The following AHDC1 variants were observed in gnomAD, a reference collection of about 807,000 sequenced individuals.
AHDC1 encodes AT-hook DNA binding motif containing 1.
In AHDC1, 7 loss-of-function variants were observed where a neutral mutation model predicts 87.9. The observed-to-expected ratio is 0.08, with a 90% CI of 0.05 to 0.15. AHDC1 has a LOEUF of 0.15. AHDC1 is among the 10% of genes least tolerant of loss of function. AHDC1 has a pLI of 1.00. For synonymous variants in AHDC1, 1,051 were observed against 1,006.8 expected (o/e 1.04, Z -0.83); for missense variants, 1,841 against 2,253.2 (o/e 0.82, Z 3.70).
chr1:27,548,002 C>G lies in AHDC1; in HGVS notation c.4114G>C (p.Ala1372Pro), dbSNP rs2019276239. 6.2e-7 allele frequency: 1 copy of G among 1,608,184 alleles called. No individual in the cohort carries two copies. The highest frequency in any genetic ancestry group is 1.7e-5 in the Admixed American group (1 of 59,896). Reference sequence around the variant, plus strand: ...AAATGCTTGCCATCAAGCTCGGGAGCACCCAGGCTGGGCGAGTCGCAGTGG... The same window carrying G: ...AAATGCTTGCCATCAAGCTCGGGAGGACCCAGGCTGGGCGAGTCGCAGTGG... ...GFHCDSPSLG[A>P]PELDGKHFPP... The change falls in exon 8 of 9, where the codon GCT becomes CCT. Residue 1372 changes from alanine to proline, a missense_variant. Physicochemically the swap from Ala to Pro is conservative, Grantham distance 27. This residue lies in a region of AHDC1 where 505 missense variants were observed against 626.2 expected (regional missense o/e 0.81). Coordinates refer to ENST00000673934, the MANE Select transcript of AHDC1 (RefSeq NM_001371928.1).
chr1:27,586,454 G>A (rs2089060508), intron 3 of AHDC1, among the ~76,000 whole-genome samples: 1 of 152,136 alleles, frequency 6.6e-6, no homozygotes, highest in Admixed American at 6.5e-5. Flanking sequence ...AAAGGAAGAG[G>A]AGCCAGCGGC....
At position 27,544,030 on chromosome 1, in the gene AHDC1, C is replaced by T. The variant is rs528424939; in HGVS notation, c.*43+3231G>A. On this transcript the variant is annotated intron_variant, in intron 8 of 8. Transcript: ENST00000673934. ...GAATCAGGCGTGGGGAGATGAGAGGCAGCCATATGGCAGAGCACCCAGGCT... is the reference window on the plus strand; with the variant it reads ...GAATCAGGCGTGGGGAGATGAGAGGTAGCCATATGGCAGAGCACCCAGGCT... 6.6e-5 allele frequency among the ~76,000 whole-genome samples: 10 copies of T among 152,146 alleles called. No homozygotes were observed. The East Asian group carries it at 1.9e-3, about 29-fold the overall frequency.
rs1281188590 is a variant in AHDC1, at chr1:27,593,627, C to A, written c.-629+9770G>T. ...CGGATGGGCACATATGTGCAAACAC[C>A]CCCGGTGGGTCTTGGCATGCCTGCC... On this transcript the variant is annotated intron_variant, in intron 3 of 8. Coordinates refer to ENST00000673934, the MANE Select transcript of AHDC1 (RefSeq NM_001371928.1). The surrounding 1 kb of genome is among the most constrained non-coding windows in gnomAD (Gnocchi z 4.9). Among the ~76,000 whole-genome samples, 2 of 152,218 alleles carry A rather than the reference C, an allele frequency of 1.3e-5. No homozygotes were observed. Among genetic ancestry groups the A allele is most frequent in the East Asian group, 3.9e-4 (2 of 5,190 alleles).
chr1:27,581,914 C>T (rs1273167010), intron 3 of AHDC1, among the ~76,000 whole-genome samples: 1 of 152,178 alleles, frequency 6.6e-6, no homozygotes, highest in Non-Finnish European at 1.5e-5. Flanking sequence ...TGAGTCTCAA[C>T]ACCACCCACA....
chr1:27,538,335 G>A (rs1418694479), intron 8 of AHDC1, among the ~76,000 whole-genome samples: 2 of 149,352 alleles, frequency 1.3e-5, no homozygotes, highest in African/African-American at 2.5e-5. Flanking sequence ...CCCAGGAAGC[G>A]GAGGTTGCAG....
At chr1:27,537,408 C>G (rs1324770205) in intron 8 of AHDC1, among the ~76,000 whole-genome samples, 1 of 152,198 alleles carries the variant, frequency 6.6e-6, no homozygotes, top group Non-Finnish European at 1.5e-5. Context: ...GGGGAGGCAG[C>G]TAACCTGGTC....
At position 27,547,822 on chromosome 1, in the gene AHDC1, C is replaced by T; in HGVS notation, c.4294G>A (p.Ala1432Thr). 6.5e-7 allele frequency: 1 copy of T among 1,549,108 alleles called. No individual in the cohort carries two copies. The highest frequency in any genetic ancestry group is 8.7e-7 in the Non-Finnish European group (1 of 1,145,846). ...CEPLKHGLQGASLGHAAAAQA... is the reference protein window; with the variant it reads ...CEPLKHGLQGTSLGHAAAAQA... ...GCTGCAGCTGCGTGGCCCAGGCTGGCCCCCTGGAGTCCATGCTTGAGGGGC... is the reference window on the plus strand; with the variant it reads ...GCTGCAGCTGCGTGGCCCAGGCTGGTCCCCTGGAGTCCATGCTTGAGGGGC... Residue 1432 changes from alanine to threonine, a missense_variant, in exon 8 of 9, where the codon GCC (alanine) becomes ACC (threonine). Physicochemically the swap from Ala to Thr is moderately conservative, Grantham distance 58. This residue lies in a region of AHDC1 where 505 missense variants were observed against 626.2 expected (regional missense o/e 0.81). Coordinates refer to ENST00000673934, the MANE Select transcript of AHDC1 (RefSeq NM_001371928.1). This position sits in a 1 kb window ranked among gnomAD's most constrained non-coding sequence, Gnocchi z 4.9.
At position 27,550,705 on chromosome 1, in the gene AHDC1, C is replaced by T. The variant is rs147276945; in HGVS notation, c.1411G>A (p.Val471Met). The T allele has an allele frequency of 8.5e-3, 13,598 of 1,608,408 alleles. 82 individuals are homozygous for T. Among genetic ancestry groups the T allele is most frequent in the Non-Finnish European group, 0.01 (12,136 of 1,177,726 alleles). ...GCCATCTTCACCACCATGCGCCGCA[C>T]GCCCCGGCACTTGCCTTTGCGGGTA... ...VSTRKGKCRGVRRMVVKMAKI... is the reference protein window; with the variant it reads ...VSTRKGKCRGMRRMVVKMAKI... The change falls in exon 8 of 9, where the codon GTG (valine) becomes ATG (methionine). Residue 471 changes from valine to methionine, a missense_variant. Physicochemically the swap from Val to Met is conservative, Grantham distance 21. Transcript: ENST00000673934.
At position 27,539,069 on chromosome 1, in the gene AHDC1, G is replaced by A. The variant is rs531390490; in HGVS notation, c.*44-4153C>T. On this transcript the variant is annotated intron_variant, in intron 8 of 8. Transcript: ENST00000673934. ...CTGGAATTCACTGAATTATCGATGA[G>A]GCTCCCAATCAGGGATGGGGAGGCT... Among the ~76,000 whole-genome samples, 43 of 152,222 alleles carry A rather than the reference G, an allele frequency of 2.8e-4. No homozygotes were observed. In the South Asian group the frequency reaches 8.9e-3, roughly 32 times the overall value.
chr1:27,587,801 C>T (rs992870575), intron 3 of AHDC1, among the ~76,000 whole-genome samples: 1 of 152,158 alleles, frequency 6.6e-6, no homozygotes, highest in African/African-American at 2.4e-5. Context: ...CCTGTACTAC[C>T]CCATCCTTGC....
chr1:27,556,753 G>A (rs1015419709), intron 5 of AHDC1, among the ~76,000 whole-genome samples: 2 of 152,106 alleles, frequency 1.3e-5, no homozygotes, highest in South Asian at 2.1e-4. Flanking sequence ...AAACTTCTTT[G>A]GTGTCCAGAG....
chr1:27,544,881 G>A (rs1173757189), intron 8 of AHDC1, among the ~76,000 whole-genome samples: 1 of 152,188 alleles, frequency 6.6e-6, no homozygotes, highest in African/African-American at 2.4e-5. Flanking sequence ...CTCTTCAGTG[G>A]ATCCCCACGT....
At chr1:27,546,648 G>C (rs1417379095) in intron 8 of AHDC1, among the ~76,000 whole-genome samples, 1 of 152,182 alleles carries the variant, frequency 6.6e-6, no homozygotes, top group Non-Finnish European at 1.5e-5. Context: ...ATAGCCTTTG[G>C]GGGTACCTTG....
Position 27,537,699 on chromosome 1 carries a change from C to T in AHDC1, c.*44-2783G>A, listed in dbSNP as rs3753392. 7.5e-3 allele frequency among the ~76,000 whole-genome samples: 1,142 copies of T among 152,338 alleles called. 32 individuals carry two copies. Among genetic ancestry groups the T allele is most frequent in the East Asian group, 0.074 (382 of 5,164 alleles). ...GGCTAGCACGCACCGGCCCCCAGCA[C>T]ACCAACCACTGTTCTGCAGACTTCA... On this transcript the variant is annotated intron_variant, in intron 8 of 8. Coordinates refer to ENST00000673934, the MANE Select transcript of AHDC1 (RefSeq NM_001371928.1).
intron 7 of AHDC1, 110 bp from the exon 8 acceptor site, chr1:27,552,299 T>C: frequency 9.2e-7 from 1 of 1,083,676 alleles, no homozygotes; most frequent in Non-Finnish European, 1.2e-6. Context: ...CTCATCTCCT[T>C]ACCAAGCTCC....
chr1:27,583,095 T>C (rs184695037), intron 3 of AHDC1, among the ~76,000 whole-genome samples: 1 of 152,284 alleles, frequency 6.6e-6, no homozygotes, highest in Admixed American at 6.5e-5. Flanking sequence ...TTCGAACTCC[T>C]GACCTCAGGT....
chr1:27,538,358 G>A (rs1204005108), intron 8 of AHDC1, among the ~76,000 whole-genome samples: 2 of 143,448 alleles, frequency 1.4e-5, no homozygotes, highest in South Asian at 2.2e-4. Context: ...AGCTGAGATC[G>A]TGCCACTCCA....
At position 27,562,827 on chromosome 1, in the gene AHDC1, A is replaced by G. The variant is rs2020152866; in HGVS notation, c.-628-3944T>C. 6.6e-6 allele frequency among the ~76,000 whole-genome samples: 1 copy of G among 152,138 alleles called. No individual in the cohort carries two copies. Among genetic ancestry groups the G allele is most frequent in the Non-Finnish European group, 1.5e-5 (1 of 68,014 alleles). The stretch of plus-strand genomic sequence containing the variant: ...TTACTGACAACTTCCCAACAGCATG[A>G]GAGAATCACACATGCCACTCCCCAC... On this transcript the variant is annotated intron_variant, in intron 3 of 8. Transcript: ENST00000673934. The surrounding 1 kb of genome is among the most constrained non-coding windows in gnomAD (Gnocchi z 4.4).
In AHDC1 at chr1:27,548,775, T is replaced by C. The variant is rs202020604; in HGVS notation, c.3341A>G (p.Tyr1114Cys). Residue 1114 changes from tyrosine (Y) to cysteine (C), a missense_variant, in exon 8 of 9, where the codon TAT becomes TGT. Transcript: ENST00000673934. ...GASQWPFRQG[Y>C]GGLDWASEAF... is the part of the protein sequence containing the mutation. ...CTCTGAGGCCCAGTCCAGGCCTCCATAGCCCTGCCGGAAAGGCCACTGAGA... is the reference window on the plus strand; with the variant it reads ...CTCTGAGGCCCAGTCCAGGCCTCCACAGCCCTGCCGGAAAGGCCACTGAGA... 95 of 1,612,978 alleles carry C rather than the reference T, an allele frequency of 5.9e-5. 1 individual carries two copies. Among genetic ancestry groups the C allele is most frequent in the African/African-American group, 4.0e-5 (3 of 74,920 alleles).
Sources: allele counts gnomAD v4.1 joint callset (sites outside exome capture counted in the v4.1 genomes callset), GRCh38; gene constraint gnomAD v4.1.1; regional missense constraint gnomAD v4.1.1; non-coding constraint Gnocchi (gnomAD v3.1); transcripts MANE v1.5; gene names NCBI Gene and HGNC (gene_info 2026-07-23, HGNC 2026-07-21).